MCC: variants seen among roughly 807,000 people sequenced by gnomAD.
MCC encodes the protein MCC regulator of Wnt signaling pathway.
Under a neutral mutation model 116.2 loss-of-function variants are expected in MCC, and 90 were observed. The observed-to-expected ratio is 0.77, with a 90% CI of 0.65 to 0.92. The LOEUF (loss-of-function observed/expected upper bound fraction) is 0.92, where lower values mean the gene tolerates loss of function less well. MCC is among the 40% of genes least tolerant of loss of function. The pLI, the probability that MCC is intolerant of heterozygous loss-of-function variation, is 0.00. For missense variants in MCC, 1,516 were observed against 1,312.2 expected (o/e 1.16, Z -2.40); for synonymous variants, 578 against 510.5 (o/e 1.13, Z -1.78).
At chr5:113,460,505 T>A (rs1011826801) in intron 1 of MCC, among the ~76,000 whole-genome samples, 1 of 152,214 alleles carries the variant, frequency 6.6e-6, no homozygotes, top group African/African-American at 2.4e-5. Context: ...TCACCCCCAG[T>A]GGGTCAGAGA....
intron 2 of MCC, among the ~76,000 whole-genome samples, chr5:113,366,746 G>A (rs1463145872): frequency 6.7e-6 from 1 of 148,250 alleles, no homozygotes; most frequent in Non-Finnish European, 1.5e-5. Flanking sequence ...TGGATATTCA[G>A]CATGTTTAAA....
intron 3 of MCC, among the ~76,000 whole-genome samples, chr5:113,228,487 G>T (rs920936109): frequency 2.6e-5 from 4 of 152,178 alleles, no homozygotes; most frequent in African/African-American, 9.7e-5. Flanking sequence ...CAAGCCTGGG[G>T]AAAGTGTGGC....
intron 3 of MCC, among the ~76,000 whole-genome samples, chr5:113,228,293 C>T (rs932243712): frequency 6.6e-6 from 1 of 152,096 alleles, no homozygotes; most frequent in African/African-American, 2.4e-5. Flanking sequence ...CCCATGCTGT[C>T]TCGTGAGAAT....
In MCC at chr5:113,294,700, AC is replaced by A. The variant is rs1426279163; in HGVS notation, c.627+45818del. On this transcript the variant is annotated intron_variant, in intron 3 of 18. Transcript: ENST00000408903. Reference sequence around the variant, plus strand: ...CAGCGCCCCGTTCCGGGGCAGTGCCACCCTGGGCGCCGCCTCGCCACTCCTA... The same window carrying A: ...CAGCGCCCCGTTCCGGGGCAGTGCCACCTGGGCGCCGCCTCGCCACTCCTA... 5 of 1,021,982 alleles carry A rather than the reference AC, an allele frequency of 4.9e-6. No individual in the cohort carries two copies. The African/African-American group carries it at 6.9e-5, about 14-fold the overall frequency. 63.3% of individuals were successfully genotyped at this position (1,021,982 alleles called of 1,614,324 possible). A position where few individuals can be genotyped will look rare whatever the true frequency, so the allele number is the denominator to read the frequency against.
intron 1 of MCC, chr5:113,433,868 AGGCTGTGCCTGG>A (rs760563548): frequency 1.2e-5 from 19 of 1,614,014 alleles, no homozygotes; most frequent in Middle Eastern, 1.6e-4. Flanking sequence ...GTTTTGTCTC[AGGCTGTGCCTGG>A]GGCTGTGCCT....
intron 3 of MCC, among the ~76,000 whole-genome samples, chr5:113,170,986 C>T (rs1010127695): frequency 6.6e-6 from 1 of 152,074 alleles, no homozygotes; most frequent in Non-Finnish European, 1.5e-5. Context: ...ACATGCGTCC[C>T]TAAAGCTTTG....
chr5:113,269,964 CAAG>C (rs2150352533), intron 3 of MCC, among the ~76,000 whole-genome samples: 1 of 152,214 alleles, frequency 6.6e-6, no homozygotes, highest in East Asian at 1.9e-4. Flanking sequence ...GGACATAATA[CAAG>C]AAGCTTAACT....
intron 1 of MCC, among the ~76,000 whole-genome samples, chr5:113,426,644 T>C (rs1770494357): frequency 6.6e-6 from 1 of 152,208 alleles, no homozygotes; most frequent in African/African-American, 2.4e-5. Context: ...CATGCCTATA[T>C]TCTAAGAATG....
At chr5:113,224,246 C>G (rs1420834544) in intron 3 of MCC, among the ~76,000 whole-genome samples, 1 of 152,048 alleles carries the variant, frequency 6.6e-6, no homozygotes, top group Non-Finnish European at 1.5e-5. Flanking sequence ...GCACGCGCGA[C>G]CACATCCGGC....
intron 3 of MCC, among the ~76,000 whole-genome samples, chr5:113,255,379 A>C (rs1764967877): frequency 6.6e-6 from 1 of 152,180 alleles, no homozygotes; most frequent in African/African-American, 2.4e-5. Context: ...CAGAAGGGTA[A>C]AAGGTCCAAA....
chr5:113,257,070 T>C (rs1262249718), intron 3 of MCC, among the ~76,000 whole-genome samples: 1 of 152,170 alleles, frequency 6.6e-6, no homozygotes, highest in Non-Finnish European at 1.5e-5. Context: ...ATTTGTCTCC[T>C]TTTGTGTTTT....
intron 2 of MCC, among the ~76,000 whole-genome samples, chr5:113,374,825 T>G (rs1487351543): frequency 2.0e-5 from 3 of 151,670 alleles, no homozygotes; most frequent in African/African-American, 7.3e-5. Context: ...ATCCCATCTC[T>G]ACAAAAAATA....
At position 113,068,062 on chromosome 5, in the gene MCC, G is replaced by C. The variant is rs776710636; in HGVS notation, c.2029+18C>G. The stretch of plus-strand genomic sequence containing the variant: ...GCAGGGAGACAAGAGGAGGAAGAGG[G>C]ACTCTGGAGACACTTACCAGGGGAG... On this transcript the variant is annotated intron_variant, in intron 13 of 18. Transcript: ENST00000408903. 5 of 1,602,304 alleles carry C rather than the reference G, an allele frequency of 3.1e-6. No individual in the cohort carries two copies. In the East Asian group the frequency reaches 1.1e-4, roughly 36 times the overall value.
chr5:113,124,580 CA>C (rs1045002088), intron 5 of MCC, among the ~76,000 whole-genome samples: 1 of 152,158 alleles, frequency 6.6e-6, no homozygotes, highest in Non-Finnish European at 1.5e-5. Flanking sequence ...TATTTCCTGC[CA>C]AATCTCCTGC....
chr5:113,266,592 G>C (rs1232920633), intron 3 of MCC, among the ~76,000 whole-genome samples: 1 of 152,166 alleles, frequency 6.6e-6, no homozygotes, highest in Non-Finnish European at 1.5e-5. Flanking sequence ...CTAGAATGCA[G>C]TGATGGGGAG....
intron 1 of MCC, chr5:113,435,426 C>A (rs935258980): frequency 2.0e-5 from 3 of 152,596 alleles, no homozygotes; most frequent in Admixed American, 6.5e-5. Flanking sequence ...GTAGTGTAGA[C>A]AGGACCACCT....
chr5:113,403,661 A>C (rs1470509176), intron 1 of MCC, among the ~76,000 whole-genome samples: 1 of 152,178 alleles, frequency 6.6e-6, no homozygotes. Context: ...TTGGACAAGA[A>C]GGAGAGAAGA....
At chr5:113,235,591 G>A (rs1764098929) in intron 3 of MCC, among the ~76,000 whole-genome samples, 1 of 152,214 alleles carries the variant, frequency 6.6e-6, no homozygotes, top group African/African-American at 2.4e-5. Flanking sequence ...TAACAATCCT[G>A]CCATTTGAGG....
chr5:113,140,752 C>A (rs560933465), intron 5 of MCC, among the ~76,000 whole-genome samples: 1 of 152,292 alleles, frequency 6.6e-6, no homozygotes, highest in African/African-American at 2.4e-5. Flanking sequence ...TTAAGTGACA[C>A]CAAAGTCTAC....
Sources: gnomAD v4.1 joint callset for allele counts (sites outside exome capture counted in the v4.1 genomes callset) on GRCh38, gnomAD v4.1.1 for gene constraint, MANE v1.5 for transcripts, NCBI Gene and HGNC (gene_info 2026-07-23, HGNC 2026-07-21) for gene names.